The following ALDH1L1 variants were observed in gnomAD, a reference collection of about 807,000 sequenced individuals.
The protein encoded by ALDH1L1 is aldehyde dehydrogenase 1 family member L1, also known as cytosolic 10-formyltetrahydrofolate dehydrogenase.
Under a neutral mutation model 101.1 loss-of-function variants are expected in ALDH1L1, and 68 were observed. The ratio of observed to expected loss-of-function variants is 0.67; its 90% CI spans 0.55 to 0.82. The LOEUF (loss-of-function observed/expected upper bound fraction) is 0.82. Among genes scored for constraint, ALDH1L1 ranks in the 40% least tolerant of loss-of-function variants. ALDH1L1 has a pLI of 0.00. For missense variants in ALDH1L1, 1,087 were observed against 1,172.7 expected, an observed-to-expected ratio of 0.93 and a Z score of 1.07; for synonymous variants, 486 against 470.8, an observed-to-expected ratio of 1.03 and a Z score of -0.42.
intron 10 of ALDH1L1, among the ~76,000 whole-genome samples, chr3:126,137,382 T>C (rs2080468491): frequency 6.6e-6 from 1 of 152,220 alleles, no homozygotes; most frequent in Non-Finnish European, 1.5e-5. Flanking sequence ...CCAAACAAAC[T>C]ATGCTAAAGC....
At chr3:126,148,711 A>G (rs1435361110) in intron 8 of ALDH1L1, among the ~76,000 whole-genome samples, 1 of 150,616 alleles carries the variant, frequency 6.6e-6, no homozygotes. Flanking sequence ...CCTACTGCAT[A>G]GAGTTGTTAT....
At chr3:126,196,830 T>C (rs1247468837) in intron 1 of ALDH1L1, among the ~76,000 whole-genome samples, 1 of 152,192 alleles carries the variant, frequency 6.6e-6, no homozygotes, top group African/African-American at 2.4e-5. Flanking sequence ...AAGCTTGGAA[T>C]CAAACCCAGG....
Position 126,103,729 on chromosome 3 carries a change from A to AGAGGGAGGGGGCCCCAGCCAC in ALDH1L1, c.*41_*61dup, listed in dbSNP as rs1398844085. The AGAGGGAGGGGGCCCCAGCCAC allele has an allele frequency of 1.3e-6, 2 of 1,578,628 alleles. No homozygotes were observed. The highest frequency in any genetic ancestry group is 1.7e-6 in the Non-Finnish European group (2 of 1,155,462). ...GGGAGGTGCTGTGCACCCAGGCTCA[A>AGAGGGAGGGGGCCCCAGCCAC]GAGGGAGGGGGCCCCAGCCACGAGG... On this transcript the variant is annotated 3_prime_UTR_variant, in exon 23 of 23. Transcript: ENST00000393434.
chr3:126,141,813 T>A (rs2080574267), intron 9 of ALDH1L1, among the ~76,000 whole-genome samples: 1 of 150,926 alleles, frequency 6.6e-6, no homozygotes, highest in Admixed American at 6.6e-5. Flanking sequence ...AAAAGCAATC[T>A]AAACCCAAAA....
chr3:126,158,549 T>C lies in ALDH1L1; in HGVS notation c.218A>G (p.Tyr73Cys). ...GQALPDVVAK[Y>C]QALGAELNVL... ...GTTGAGCTCGGCCCCCAAAGCCTGG[T>C]ATTTTGCCACCACATCAGGCAAAGC... The change falls in exon 3 of 23, where the codon TAC (tyrosine) becomes TGC (cysteine). Residue 73 changes from tyrosine to cysteine, a missense_variant. Physicochemically the swap from Tyr to Cys is radical, Grantham distance 194 (BLOSUM62 -2). Coordinates refer to ENST00000393434, the MANE Select transcript of ALDH1L1 (RefSeq NM_012190.4). 1 of 1,614,184 alleles carries C rather than the reference T, an allele frequency of 6.2e-7. No homozygotes were observed. Among genetic ancestry groups the C allele is most frequent in the Non-Finnish European group, 8.5e-7 (1 of 1,180,012 alleles).
At chr3:126,191,019 T>A (rs1447992759) in intron 1 of ALDH1L1, among the ~76,000 whole-genome samples, 1 of 152,194 alleles carries the variant, frequency 6.6e-6, no homozygotes, top group Non-Finnish European at 1.5e-5. Flanking sequence ...ATTTTCCTTC[T>A]GAGTTTTCAG....
chr3:126,137,662 C>T (rs561447289), intron 10 of ALDH1L1, 151 bp downstream of exon 10: 18 of 1,130,912 alleles, frequency 1.6e-5, no homozygotes, highest in African/African-American at 3.1e-5. Context: ...CAGGCTATCC[C>T]GGGTGCAGGG....
chr3:126,192,250 T>A (rs975735167), intron 1 of ALDH1L1, among the ~76,000 whole-genome samples: 3 of 152,198 alleles, frequency 2.0e-5, no homozygotes, highest in African/African-American at 7.2e-5. Flanking sequence ...GACTGGAATA[T>A]TACAAGGACT....
chr3:126,165,380 T>C (rs1336610117), intron 1 of ALDH1L1, among the ~76,000 whole-genome samples: 1 of 152,192 alleles, frequency 6.6e-6, no homozygotes, highest in Non-Finnish European at 1.5e-5. Flanking sequence ...GGCCTGAAGT[T>C]TTCTTTTTTT....
chr3:126,180,960 A>G (rs1448434889), upstream of ALDH1L1: 1 of 1,610,692 alleles, frequency 6.2e-7, no homozygotes, highest in Non-Finnish European at 8.5e-7. Context: ...TGGGCCAAGT[A>G]CCTGCCATGT....
chr3:126,113,763 A>G (rs1946154466), intron 18 of ALDH1L1, among the ~76,000 whole-genome samples: 1 of 152,234 alleles, frequency 6.6e-6, no homozygotes, highest in Admixed American at 6.5e-5. Flanking sequence ...CTGGCTGAAC[A>G]TGGTCTTACT....
chr3:126,164,130 CAA>C (rs532559368), intron 1 of ALDH1L1, among the ~76,000 whole-genome samples: 1 of 139,068 alleles, frequency 7.2e-6, no homozygotes, highest in Non-Finnish European at 1.6e-5. Flanking sequence ...GACTATGTCT[CAA>C]AAAAAAAAGG....
At chr3:126,159,315 G>A (rs1208695353) in intron 2 of ALDH1L1, 3 of 411,136 alleles carry the variant, frequency 7.3e-6, no homozygotes, top group East Asian at 7.0e-5. Flanking sequence ...CCTCCTCACA[G>A]GTCTGGATTA....
chr3:126,176,222 T>C (rs1275336836), intron 1 of ALDH1L1, among the ~76,000 whole-genome samples: 1 of 152,186 alleles, frequency 6.6e-6, no homozygotes, highest in African/African-American at 2.4e-5. Flanking sequence ...TGTTCATGGG[T>C]AGGGAAACTC....
chr3:126,123,242 G>A (rs538336632), intron 16 of ALDH1L1, among the ~76,000 whole-genome samples: 5 of 148,266 alleles, frequency 3.4e-5, no homozygotes, highest in African/African-American at 1.0e-4. Context: ...CAAGGTGTGA[G>A]GTATCACCAA....
At chr3:126,105,457 C>T in intron 22 of ALDH1L1, 1 of 484,660 alleles carries the variant, frequency 2.1e-6, no homozygotes, top group Non-Finnish European at 3.8e-6. Context: ...GCACAGGTGC[C>T]ACCACACCAG....
chr3:126,166,170 C>T (rs563819004), intron 1 of ALDH1L1, among the ~76,000 whole-genome samples: 8 of 152,258 alleles, frequency 5.3e-5, no homozygotes, highest in South Asian at 2.1e-4. Flanking sequence ...CCTTCTCCAC[C>T]GGTTCAAAAA....
chr3:126,135,605 C>A lies in ALDH1L1; in HGVS notation c.1402G>T (p.Ala468Ser). 6.3e-7 allele frequency: 1 copy of A among 1,597,004 alleles called. No individual in the cohort carries two copies. Among genetic ancestry groups the A allele is most frequent in the East Asian group, 2.3e-5 (1 of 43,000 alleles). ...CGTCCATTCTCAAAGGCATCCTTGG[C>A]TGCGGCCACTGCCTTGTCGACGTCG... Reference protein sequence around the residue: ...VTDVDKAVAAAKDAFENGRWG... With the variant: ...VTDVDKAVAASKDAFENGRWG... The change falls in exon 12 of 23, where the codon GCC becomes TCC. Residue 468 changes from alanine (A) to serine (S), a missense_variant. Around this residue, in one of 2 missense-constraint regions of ALDH1L1, gnomAD observed 645 missense variants for 637.0 expected, o/e 1.01. Coordinates refer to ENST00000393434, the MANE Select transcript of ALDH1L1 (RefSeq NM_012190.4).
At chr3:126,157,760 G>A (rs947925836) in intron 3 of ALDH1L1, among the ~76,000 whole-genome samples, 2 of 152,112 alleles carry the variant, frequency 1.3e-5, no homozygotes, top group Admixed American at 1.3e-4. Flanking sequence ...AGGTATACTC[G>A]GTTTACAGAT....
Sources: gnomAD v4.1 joint callset for allele counts (sites outside exome capture counted in the v4.1 genomes callset) on GRCh38, gnomAD v4.1.1 for gene constraint, gnomAD v4.1.1 regional missense constraint, MANE v1.5 for transcripts, NCBI Gene and HGNC (gene_info 2026-07-23, HGNC 2026-07-21) for gene names.